TMPRSS12: variants seen among roughly 807,000 people sequenced by gnomAD.
TMPRSS12 encodes transmembrane protease serine 12.
Under a neutral mutation model 26.0 loss-of-function variants are expected in TMPRSS12, and 25 were observed. The ratio of observed to expected loss-of-function variants is 0.96; its 90% confidence interval spans 0.70 to 1.34. TMPRSS12 has a LOEUF of 1.34. TMPRSS12 is among the 40% of genes most tolerant of loss of function. The pLI is 0.00. For synonymous variants in TMPRSS12, 150 were observed against 161.7 expected, an observed-to-expected ratio of 0.93 and a Z score of 0.55; for missense variants, 441 against 440.1, an observed-to-expected ratio of 1.00 and a Z score of -0.02.
intron 3 of TMPRSS12, among the ~76,000 whole-genome samples, chr12:50,868,585 GTCA>G (rs1424923544): frequency 6.6e-6 from 1 of 152,002 alleles, no homozygotes; most frequent in African/African-American, 2.4e-5. Flanking sequence ...CACTAGATAG[GTCA>G]TCAAGACAGA....
At chr12:50,857,486 T>G (rs1325363173) in intron 2 of TMPRSS12, among the ~76,000 whole-genome samples, 3 of 152,184 alleles carry the variant, frequency 2.0e-5, no homozygotes, top group African/African-American at 7.2e-5. Context: ...CACATATGCA[T>G]GCACTCACAT....
intron 3 of TMPRSS12, among the ~76,000 whole-genome samples, chr12:50,859,861 T>G (rs1937918491): frequency 1.3e-5 from 2 of 152,234 alleles, no homozygotes; most frequent in Non-Finnish European, 2.9e-5. Context: ...TAACGATGTA[T>G]TTCTCAGAAT....
chr12:50,885,757 G>A, intron 4 of TMPRSS12: 1 of 462,102 alleles, frequency 2.2e-6, no homozygotes, highest in Non-Finnish European at 3.8e-6. Context: ...CCAGGTTCAA[G>A]CGATTCTCAT....
At position 50,858,845 on chromosome 12, in the gene TMPRSS12, T is replaced by A. The variant is rs1352739309; in HGVS notation, c.444T>A (p.His148Gln). 6.2e-7 allele frequency: 1 copy of A among 1,608,332 alleles called. No homozygotes were observed. The highest frequency in any genetic ancestry group is 1.1e-5 in the South Asian group (1 of 89,954). Residue 148 changes from histidine to glutamine, a missense_variant, in exon 3 of 5, where the codon CAT becomes CAA. His to Gln is a conservative substitution (Grantham distance 24). Transcript: ENST00000398458. Reference sequence around the variant, plus strand: ...ATAATATACATGGACGCTATCCTCATACCAAGAAGATAAAAATTAAAGCAA... The same window carrying A: ...ATAATATACATGGACGCTATCCTCAAACCAAGAAGATAAAAATTAAAGCAA... ...GTNNIHGRYP[H>Q]TKKIKIKAII... is the part of the protein sequence containing the mutation.
Position 50,880,962 on chromosome 12 carries a change from AT to A in TMPRSS12, c.653-4281del, listed in dbSNP as rs1443301507. Among the ~76,000 whole-genome samples the A allele has an allele frequency of 4.5e-3, 443 of 99,260 alleles. 2 individuals are homozygous for A. Among genetic ancestry groups the A allele is most frequent in the Non-Finnish European group, 6.6e-3 (327 of 49,554 alleles). 65.1% of individuals were successfully genotyped at this position (99,260 alleles called of 152,430 possible). A position where few individuals can be genotyped will look rare whatever the true frequency, so the allele number is the denominator to read the frequency against. On this transcript the variant is annotated intron_variant, in intron 3 of 4. Transcript: ENST00000398458. ...AAACCTATAGAGACAGGAATCAGTA[AT>A]TTCTTTTTTTTTTTTTTTTTTTTTT...
rs866096904 is a variant in TMPRSS12 at position 50,872,777 on chromosome 12, A to G, written c.653-12469A>G. Among the ~76,000 whole-genome samples the G allele has an allele frequency of 1.4e-3, 164 of 114,068 alleles. 4 individuals carry two copies. Among genetic ancestry groups the G allele is most frequent in the Middle Eastern group, 5.0e-3 (1 of 202 alleles). The allele number at this position is 114,068 out of a possible 152,430, so 74.8% of individuals were successfully genotyped here. On this transcript the variant is annotated intron_variant, in intron 3 of 4. Transcript: ENST00000398458. ...ATATGTACATATATATGACGTATATATGTACATATATATGACGTATATATG... is the reference window on the plus strand; with the variant it reads ...ATATGTACATATATATGACGTATATGTGTACATATATATGACGTATATATG...
intron 3 of TMPRSS12, among the ~76,000 whole-genome samples, chr12:50,866,006 A>G (rs746528656): frequency 6.6e-6 from 1 of 152,228 alleles, no homozygotes; most frequent in Non-Finnish European, 1.5e-5. Context: ...TACAGACTGC[A>G]GAGCTGATTA....
At chr12:50,881,125 G>A (rs759969881) in intron 3 of TMPRSS12, among the ~76,000 whole-genome samples, 2 of 151,826 alleles carry the variant, frequency 1.3e-5, no homozygotes, top group Non-Finnish European at 2.9e-5. Context: ...GGGATTACAG[G>A]CATGTACCTC....
At chr12:50,862,645 C>T (rs991410191) in intron 3 of TMPRSS12, among the ~76,000 whole-genome samples, 1 of 152,046 alleles carries the variant, frequency 6.6e-6, no homozygotes, top group Non-Finnish European at 1.5e-5. Context: ...TGTGCCTCAG[C>T]GTCTCCAGTA....
At chr12:50,878,650 C>T (rs576503407) in intron 3 of TMPRSS12, among the ~76,000 whole-genome samples, 1 of 152,194 alleles carries the variant, frequency 6.6e-6, no homozygotes, top group South Asian at 2.1e-4. Context: ...GAAAAAAAAC[C>T]TTATATTTAT....
At chr12:50,854,262 C>T (rs1374766781) in intron 2 of TMPRSS12, among the ~76,000 whole-genome samples, 8 of 152,138 alleles carry the variant, frequency 5.3e-5, no homozygotes, top group Admixed American at 5.2e-4. Context: ...AATTCAACAT[C>T]TCTTCATGTT....
At chr12:50,865,892 C>T (rs973281210) in intron 3 of TMPRSS12, among the ~76,000 whole-genome samples, 4 of 152,102 alleles carry the variant, frequency 2.6e-5, no homozygotes, top group Admixed American at 2.6e-4. Flanking sequence ...TTGAGGCCTA[C>T]CCTCAAGAAA....
chr12:50,853,016 C>T (rs1565931161), intron 2 of TMPRSS12, among the ~76,000 whole-genome samples: 2 of 152,136 alleles, frequency 1.3e-5, no homozygotes, highest in Non-Finnish European at 2.9e-5. Context: ...CCAAAAACAA[C>T]AGAATATACA....
rs118122450 is a variant in TMPRSS12 at position 50,846,101 on chromosome 12, C to T, written c.383+2064C>T. Among the ~76,000 whole-genome samples, 1,099 of 152,166 alleles carry T rather than the reference C, an allele frequency of 7.2e-3. 3 individuals are homozygous for T. Among genetic ancestry groups the T allele is most frequent in the Non-Finnish European group, 0.011 (760 of 67,994 alleles). On this transcript the variant is annotated intron_variant, in intron 2 of 4. Coordinates refer to ENST00000398458, the MANE Select transcript of TMPRSS12 (RefSeq NM_182559.3). ...ATTCTGTGGGTCATCTTTTCACTCT[C>T]GATATTGTCCTTTGATACACAAAAG...
chr12:50,862,293 G>A (rs1234985847), intron 3 of TMPRSS12, among the ~76,000 whole-genome samples: 1 of 152,192 alleles, frequency 6.6e-6, no homozygotes, highest in African/African-American at 2.4e-5. Flanking sequence ...AGGACTCGGT[G>A]TGACGATAGA....
At chr12:50,845,110 C>T (rs1483346157) in intron 2 of TMPRSS12, among the ~76,000 whole-genome samples, 1 of 152,142 alleles carries the variant, frequency 6.6e-6, no homozygotes, top group Admixed American at 6.5e-5. Context: ...CACTATTAGA[C>T]TCTTTGAAAA....
At chr12:50,884,582 G>A (rs990575677) in intron 3 of TMPRSS12, among the ~76,000 whole-genome samples, 2 of 152,034 alleles carry the variant, frequency 1.3e-5, no homozygotes, top group Non-Finnish European at 2.9e-5. Flanking sequence ...ATATAAAAAG[G>A]CACATCTGGC....
chr12:50,872,687 C>T (rs374815111), intron 3 of TMPRSS12, among the ~76,000 whole-genome samples: 1,152 of 14,464 alleles, frequency 0.08, 54 homozygotes, highest in South Asian at 0.15. Flanking sequence ...GACGTATATG[C>T]ACATATATAT....
intron 3 of TMPRSS12, among the ~76,000 whole-genome samples, chr12:50,865,387 G>A (rs1643004): frequency 0.72 from 109,495 of 152,028 alleles, 39,726 homozygotes; most frequent in Non-Finnish European, 0.77. Context: ...AGACACAGCT[G>A]AAGAGAGGAT....
Sources: allele counts gnomAD v4.1 joint callset (sites outside exome capture counted in the v4.1 genomes callset), GRCh38; gene constraint gnomAD v4.1.1; transcripts MANE v1.5; gene names NCBI Gene and HGNC (gene_info 2026-07-23, HGNC 2026-07-21).